Variants in LYVE1 observed in about 807,000 individuals in gnomAD.
The protein encoded by LYVE1 is lymphatic vessel endothelial hyaluronan receptor 1.
Under a neutral mutation model 31.5 loss-of-function variants are expected in LYVE1, and 29 were observed. That is an observed-to-expected ratio of 0.92 (90% CI 0.69 to 1.26). The LOEUF (loss-of-function observed/expected upper bound fraction) is 1.26, where lower values mean the gene tolerates loss of function less well. Ranked by LOEUF, LYVE1 falls within the 50% of genes most tolerant of loss-of-function variation. The pLI is 0.00. For synonymous variants in LYVE1, 134 were observed against 139.4 expected (o/e 0.96, Z 0.27); for missense variants, 376 against 380.2 (o/e 0.99, Z 0.09).
chr11:10,566,140 C>G (rs1238192443), intron 1 of LYVE1, among the ~76,000 whole-genome samples: 1 of 149,960 alleles, frequency 6.7e-6, no homozygotes, highest in Non-Finnish European at 1.5e-5. Flanking sequence ...GACAGAGTCT[C>G]GTTCTGTCAC....
chr11:10,562,379 A>G (rs925949282), intron 3 of LYVE1, among the ~76,000 whole-genome samples: 8 of 152,224 alleles, frequency 5.3e-5, no homozygotes, highest in Non-Finnish European at 1.2e-4. Flanking sequence ...TGTTTCATCC[A>G]TGAAGTGAGG....
In LYVE1 at chr11:10,560,972, T is replaced by C. The variant is rs144820294; in HGVS notation, c.398-172A>G. On this transcript the variant is annotated intron_variant, in intron 3 of 5. Coordinates refer to ENST00000256178, the MANE Select transcript of LYVE1 (RefSeq NM_006691.4). ...TAGAAGCCTTCAGTGGCTATCTTTGTTGTATGGCCTACAAGGCCTTCTGTG... is the reference window on the plus strand; with the variant it reads ...TAGAAGCCTTCAGTGGCTATCTTTGCTGTATGGCCTACAAGGCCTTCTGTG... 5.5e-3 allele frequency among the ~76,000 whole-genome samples: 833 copies of C among 152,358 alleles called. 6 individuals carry two copies. Among genetic ancestry groups the C allele is most frequent in the Non-Finnish European group, 6.9e-3 (472 of 68,032 alleles).
rs1184834648 is a variant in LYVE1, at chr11:10,556,975, A to G, written c.*2136T>C. The G allele has an allele frequency of 6.6e-6, 1 of 151,220 alleles. No homozygotes were observed. The highest frequency in any genetic ancestry group is 6.6e-5 in the Admixed American group (1 of 15,168). 9.4% of individuals were successfully genotyped at this position (151,220 alleles called of 1,614,324 possible). On this transcript the variant is annotated 3_prime_UTR_variant, in exon 6 of 6. Transcript: ENST00000256178. ...AGATCTGTTTTTTTTTTTTCAGCTA[A>G]CACACAGAGGGAAGATCACTACTTA...
intron 5 of LYVE1, 72 bp from the exon 6 acceptor site, chr11:10,559,369 G>T: frequency 1.7e-6 from 2 of 1,195,272 alleles, no homozygotes; most frequent in Non-Finnish European, 2.4e-6. Context: ...TTTGGCCATG[G>T]TACATATTGG....
intron 1 of LYVE1, among the ~76,000 whole-genome samples, chr11:10,565,246 A>C (rs1399456187): frequency 6.6e-6 from 1 of 152,208 alleles, no homozygotes; most frequent in African/African-American, 2.4e-5. Context: ...TGGTCTGCTA[A>C]TGATTGATTA....
Position 10,559,051 on chromosome 11 carries a change from G to T in LYVE1, c.*60C>A. 6.8e-7 allele frequency: 1 copy of T among 1,481,014 alleles called. No individual in the cohort carries two copies. Among genetic ancestry groups the T allele is most frequent in the Non-Finnish European group, 9.2e-7 (1 of 1,086,186 alleles). The allele number at this position is 1,481,014 out of a possible 1,614,324, so 91.7% of individuals were successfully genotyped here. ...TGGCCCTTTTGATTTCCCCAGCTGG[G>T]GCAGGGTAAGGAGCATGAAAGAAAC... On this transcript the variant is annotated 3_prime_UTR_variant, in exon 6 of 6. Coordinates refer to ENST00000256178, the MANE Select transcript of LYVE1 (RefSeq NM_006691.4).
At chr11:10,562,663 T>G (rs1850452402) in intron 3 of LYVE1, among the ~76,000 whole-genome samples, 1 of 152,172 alleles carries the variant, frequency 6.6e-6, no homozygotes, top group Non-Finnish European at 1.5e-5. Context: ...GAGTATTTAG[T>G]AAAAGAAAAA....
Position 10,559,862 on chromosome 11 carries a change from G to T in LYVE1, c.736C>A (p.Leu246Ile). 7 of 1,613,864 alleles carry T rather than the reference G, an allele frequency of 4.3e-6. No homozygotes were observed. The highest frequency in any genetic ancestry group is 5.9e-6 in the Non-Finnish European group (7 of 1,179,860). Reference protein sequence around the residue: ...VPTALLVLALLFFGAAAGLGF... With the variant: ...VPTALLVLALIFFGAAAGLGF... The stretch of plus-strand genomic sequence containing the variant: ...AGACCAGCTGCAGCACCAAAGAAGA[G>T]GAGAGCAAGCACTAGCAGAGCCGTG... Residue 246 changes from leucine to isoleucine, a missense_variant, in exon 5 of 6, where the codon CTC becomes ATC. Leu to Ile is a conservative substitution (Grantham distance 5). Transcript: ENST00000256178.
chr11:10,560,367 T>G lies in LYVE1; in HGVS notation c.703+128A>C, dbSNP rs367826777. 76 of 764,070 alleles carry G rather than the reference T, an allele frequency of 9.9e-5. No individual in the cohort carries two copies. The African/African-American group carries it at 1.1e-3, about 11-fold the overall frequency. 47.3% of individuals were successfully genotyped at this position (764,070 alleles called of 1,614,324 possible). A position where few individuals can be genotyped will look rare whatever the true frequency, so the allele number is the denominator to read the frequency against. On this transcript the variant is annotated intron_variant, in intron 4 of 5. Transcript: ENST00000256178. ...TTCTATGACTTCATGAAAGTTGAGT[T>G]TGTGTTAAGCTTTTATTAGTATTTG...
chr11:10,560,829 A>T (rs1015806003), intron 3 of LYVE1, 29 bp from the exon 4 acceptor site: 1 of 1,552,750 alleles, frequency 6.4e-7, no homozygotes, highest in Non-Finnish European at 8.8e-7. Flanking sequence ...ATGGAATAAA[A>T]GTATTGCAAC....
intron 3 of LYVE1, among the ~76,000 whole-genome samples, 197 bp downstream of exon 3, chr11:10,563,743 A>G (rs1353280130): frequency 6.6e-6 from 1 of 152,156 alleles, no homozygotes; most frequent in Non-Finnish European, 1.5e-5. Context: ...GTTGCCATTC[A>G]GTTATATCTC....
At position 10,560,674 on chromosome 11, in the gene LYVE1, TAA is replaced by T; in HGVS notation, c.522_523del (p.Tyr175LeufsTer35). On this transcript the variant is annotated frameshift_variant, in exon 4 of 6. Coordinates refer to ENST00000256178, the MANE Select transcript of LYVE1 (RefSeq NM_006691.4). LOFTEE classifies it high-confidence loss of function. ...AGTAGTAGGGGCAGGTATTGTAGAGTAAGGGGATGCCACCGAGTAGGTACTGT... is the reference window on the plus strand; with the variant it reads ...AGTAGTAGGGGCAGGTATTGTAGAGTGGGGATGCCACCGAGTAGGTACTGT... 1 of 1,613,982 alleles carries T rather than the reference TAA, an allele frequency of 6.2e-7. No individual in the cohort carries two copies. The highest frequency in any genetic ancestry group is 1.3e-5 in the African/African-American group (1 of 74,984).
At chr11:10,568,356 GTC>G (rs1850583588) in intron 1 of LYVE1, 90 bp downstream of exon 1, 1 of 1,311,048 alleles carries the variant, frequency 7.6e-7, no homozygotes, top group Non-Finnish European at 1.1e-6. Context: ...GACACTGAGG[GTC>G]ACCCTCATTC....
chr11:10,560,031 C>A, intron 4 of LYVE1, 137 bp from the exon 5 acceptor site: 1 of 590,654 alleles, frequency 1.7e-6, no homozygotes, highest in South Asian at 2.3e-5. Context: ...GATATTGGGC[C>A]CACACCAGCT....
chr11:10,564,559 T>G (rs910398818), intron 1 of LYVE1, among the ~76,000 whole-genome samples, 185 bp from the exon 2 acceptor site: 1 of 152,246 alleles, frequency 6.6e-6, no homozygotes, highest in Non-Finnish European at 1.5e-5. Flanking sequence ...GCTAGATGGA[T>G]GCTTGTTCTT....
chr11:10,564,341 C>T lies in LYVE1; in HGVS notation c.119G>A (p.Gly40Glu). ...LSIQVSCRIM[G>E]ITLVSKKANQ... Reference sequence around the variant, plus strand: ...CGCCTTTTTGCTCACAAGGGTGATCCCCATAATTCTGCATGACACCTGGAT... The same window carrying T: ...CGCCTTTTTGCTCACAAGGGTGATCTCCATAATTCTGCATGACACCTGGAT... The change falls in exon 2 of 6, where the codon GGG becomes GAG. Residue 40 changes from glycine to glutamate, a missense_variant. Coordinates refer to ENST00000256178, the MANE Select transcript of LYVE1 (RefSeq NM_006691.4). 6.2e-7 allele frequency: 1 copy of T among 1,614,034 alleles called. No individual in the cohort carries two copies. The highest frequency in any genetic ancestry group is 8.5e-7 in the Non-Finnish European group (1 of 1,179,932).
Position 10,564,339 on chromosome 11 carries a change from T to C in LYVE1, c.121A>G (p.Ile41Val). 6.2e-7 allele frequency: 1 copy of C among 1,614,036 alleles called. No homozygotes were observed. Among genetic ancestry groups the C allele is most frequent in the Non-Finnish European group, 8.5e-7 (1 of 1,179,930 alleles). Residue 41 changes from isoleucine (I) to valine (V), a missense_variant, in exon 2 of 6, where the codon ATC (isoleucine) becomes GTC (valine). Physicochemically the swap from Ile to Val is conservative, Grantham distance 29. Coordinates refer to ENST00000256178, the MANE Select transcript of LYVE1 (RefSeq NM_006691.4). ...TTCGCCTTTTTGCTCACAAGGGTGA[T>C]CCCCATAATTCTGCATGACACCTGG... is the stretch of plus-strand genomic sequence containing the variant. ...SIQVSCRIMG[I>V]TLVSKKANQQ...
Position 10,560,540 on chromosome 11 carries a change from C to T in LYVE1, c.658G>A (p.Val220Ile), listed in dbSNP as rs1329268618. The change falls in exon 4 of 6, where the codon GTT (valine) becomes ATT (isoleucine). Residue 220 changes from valine (V) to isoleucine (I), a missense_variant. Transcript: ENST00000256178. Reference sequence around the variant, plus strand: ...TTCTTGAATGCTGCTTTATTTTCAACAAATGGTTCAGTTTCTGTAGACATG... The same window carrying T: ...TTCTTGAATGCTGCTTTATTTTCAATAAATGGTTCAGTTTCTGTAGACATG... ...STMSTETEPF[V>I]ENKAAFKNEA... 1 of 1,613,158 alleles carries T rather than the reference C, an allele frequency of 6.2e-7. No individual in the cohort carries two copies.
chr11:10,564,231 C>T lies in LYVE1; in HGVS notation c.229G>A (p.Ala77Thr). 1.9e-6 allele frequency: 3 copies of T among 1,614,106 alleles called. No homozygotes were observed. The highest frequency in any genetic ancestry group is 2.5e-6 in the Non-Finnish European group (3 of 1,179,932). Residue 77 changes from alanine to threonine, a missense_variant, in exon 2 of 6, where the codon GCC (alanine) becomes ACC (threonine). Physicochemically the swap from Ala to Thr is moderately conservative, Grantham distance 58. Transcript: ENST00000256178. ...SLAGKDQVETALKASFETCSY... is the reference protein window; with the variant it reads ...SLAGKDQVETTLKASFETCSY... ...CAAGTTTCAAAGCTAGCTTTCAAGG[C>T]TGTTTCAACTTGGTCCTTGCCGGCC...
Sources: allele counts gnomAD v4.1 joint callset (sites outside exome capture counted in the v4.1 genomes callset), GRCh38; gene constraint gnomAD v4.1.1; transcripts MANE v1.5; gene names NCBI Gene and HGNC (gene_info 2026-07-23, HGNC 2026-07-21).